The following CDK17 variants were observed in gnomAD, a reference collection of about 807,000 sequenced individuals.
CDK17 encodes cyclin dependent kinase 17.
CDK17 carries 24 observed loss-of-function variants against 77.6 expected under a neutral mutation model. The observed-to-expected ratio is 0.31, with a 90% CI of 0.22 to 0.44. The LOEUF is 0.44. Ranked by LOEUF, CDK17 falls within the 20% of genes least tolerant of loss-of-function variation. The pLI, the probability that CDK17 is intolerant of heterozygous loss-of-function variation, is 1.00. For synonymous variants in CDK17, 203 were observed against 210.4 expected (o/e 0.96, Z 0.30); for missense variants, 429 against 622.5 (o/e 0.69, Z 3.31).
chr12:96,300,155 GA>G, intron 6 of CDK17, 148 bp downstream of exon 6: 1 of 600,372 alleles, frequency 1.7e-6, no homozygotes, highest in South Asian at 2.1e-5. Context: ...CTAACTCCTA[GA>G]AACTCTGTTA....
rs1298424939 is a variant in CDK17, at chr12:96,324,118, G to T, written c.119-6C>A. 1.3e-6 allele frequency: 2 copies of T among 1,588,128 alleles called. No individual in the cohort carries two copies. Among genetic ancestry groups the T allele is most frequent in the Non-Finnish European group, 1.7e-6 (2 of 1,169,080 alleles). On this transcript the variant is annotated splice_region_variant and splice_polypyrimidine_tract_variant and intron_variant, in intron 2 of 16. Coordinates refer to ENST00000261211, the MANE Select transcript of CDK17 (RefSeq NM_002595.5). ...GCCATTCTTCACAATAGGCTCTGTGGTTCATAGAATTCGAAAATCATTCCA... is the reference window on the plus strand; with the variant it reads ...GCCATTCTTCACAATAGGCTCTGTGTTTCATAGAATTCGAAAATCATTCCA...
intron 8 of CDK17, 31 bp from the exon 9 acceptor site, chr12:96,297,363 A>G: frequency 1.3e-5 from 18 of 1,431,960 alleles, no homozygotes; most frequent in Non-Finnish European, 1.7e-5. Context: ...GCTATGTGAT[A>G]CACCATTTTC....
At chr12:96,295,872 A>G (rs1952398344) in intron 9 of CDK17, among the ~76,000 whole-genome samples, 2 of 152,310 alleles carry the variant, frequency 1.3e-5, no homozygotes, top group South Asian at 2.1e-4. Flanking sequence ...TACGGAACAC[A>G]TAAGACCTTT....
intron 1 of CDK17, among the ~76,000 whole-genome samples, chr12:96,391,204 C>T (rs1592775167): frequency 2.0e-5 from 3 of 151,982 alleles, no homozygotes; most frequent in Non-Finnish European, 2.9e-5. Context: ...CTGCAGTAAG[C>T]GCATTTAAGC....
chr12:96,393,634 T>C (rs1352477177), intron 1 of CDK17, among the ~76,000 whole-genome samples: 3 of 151,948 alleles, frequency 2.0e-5, no homozygotes. Context: ...TTTGGGAGGC[T>C]GAGGTGGGAG....
At chr12:96,378,739 T>C (rs1432429690) in intron 1 of CDK17, among the ~76,000 whole-genome samples, 1 of 152,188 alleles carries the variant, frequency 6.6e-6, no homozygotes, top group Non-Finnish European at 1.5e-5. Context: ...AAGGATTGAG[T>C]GACTAAACTA....
chr12:96,349,068 A>T (rs1417675128), intron 1 of CDK17, among the ~76,000 whole-genome samples: 1 of 152,246 alleles, frequency 6.6e-6, no homozygotes, highest in East Asian at 1.9e-4. Flanking sequence ...TAACAAATTG[A>T]ATTCGGCAGC....
At chr12:96,294,732 A>G (rs1473431224) in intron 10 of CDK17, among the ~76,000 whole-genome samples, 3 of 151,986 alleles carry the variant, frequency 2.0e-5, no homozygotes, top group Admixed American at 2.0e-4. Flanking sequence ...TTGGTAATAT[A>G]TTTACATTTA....
intron 1 of CDK17, among the ~76,000 whole-genome samples, chr12:96,372,338 G>A (rs1300052766): frequency 6.6e-6 from 1 of 152,064 alleles, no homozygotes; most frequent in East Asian, 1.9e-4. Context: ...ATATTGAAAA[G>A]GCCTCAAAAT....
At chr12:96,333,611 T>C (rs556443883) in intron 2 of CDK17, among the ~76,000 whole-genome samples, 1 of 150,780 alleles carries the variant, frequency 6.6e-6, no homozygotes, top group South Asian at 2.1e-4. Flanking sequence ...GAGGTGGAGG[T>C]TGCAGTGAGC....
At chr12:96,298,316 T>A (rs1952441954) in intron 7 of CDK17, among the ~76,000 whole-genome samples, 2 of 152,002 alleles carry the variant, frequency 1.3e-5, no homozygotes, top group South Asian at 4.2e-4. Context: ...TGGAAATCAA[T>A]TTTTTCTTTT....
chr12:96,281,350 G>C (rs1002605875), intron 15 of CDK17, among the ~76,000 whole-genome samples: 4 of 152,194 alleles, frequency 2.6e-5, no homozygotes, highest in Non-Finnish European at 4.4e-5. Flanking sequence ...AGTAAAACTT[G>C]GTATTAATAA....
chr12:96,374,325 T>A (rs973088599), intron 1 of CDK17, among the ~76,000 whole-genome samples: 1 of 152,224 alleles, frequency 6.6e-6, no homozygotes, highest in Non-Finnish European at 1.5e-5. Flanking sequence ...ATTTTGTACA[T>A]GCGTAGAAAA....
At chr12:96,347,616 G>A (rs1304606619) in intron 1 of CDK17, among the ~76,000 whole-genome samples, 3 of 41,056 alleles carry the variant, frequency 7.3e-5, no homozygotes, top group African/African-American at 2.3e-4. Context: ...GGGAGGGGAA[G>A]GGAGGGGAAG....
chr12:96,360,833 T>C (rs1431572929), intron 1 of CDK17, among the ~76,000 whole-genome samples: 1 of 152,214 alleles, frequency 6.6e-6, no homozygotes, highest in Non-Finnish European at 1.5e-5. Flanking sequence ...AAAGGCCTAG[T>C]ATTCTGACCA....
Position 96,314,377 on chromosome 12 carries a change from TA to T in CDK17, c.284-924del, listed in dbSNP as rs1340443968. Among the ~76,000 whole-genome samples the T allele has an allele frequency of 5.3e-5, 8 of 152,130 alleles. No homozygotes were observed. The East Asian group carries it at 1.2e-3, about 22-fold the overall frequency. ...TGTTTTGTTTTGTTTTATTTTATTT[TA>T]TTTTTTTTGTAGAGACAAGGTTTTG... is the stretch of plus-strand genomic sequence containing the variant. On this transcript the variant is annotated intron_variant, in intron 3 of 16. Transcript: ENST00000261211.
intron 1 of CDK17, among the ~76,000 whole-genome samples, chr12:96,361,440 G>A (rs1014181177): frequency 2.6e-5 from 4 of 152,168 alleles, no homozygotes; most frequent in African/African-American, 9.7e-5. Context: ...TAGTCTGTAG[G>A]ATCTCAGCTC....
intron 3 of CDK17, among the ~76,000 whole-genome samples, chr12:96,318,138 G>C (rs868696605): frequency 0.055 from 8,157 of 147,710 alleles, 301 homozygotes; most frequent in Admixed American, 0.08. Flanking sequence ...AAAAAAGCAG[G>C]GGTTGCAATC....
intron 1 of CDK17, among the ~76,000 whole-genome samples, chr12:96,355,078 C>T (rs1953372856): frequency 6.6e-6 from 1 of 152,112 alleles, no homozygotes; most frequent in African/African-American, 2.4e-5. Flanking sequence ...ACTCAAAGTT[C>T]TTAAATGGTT....
Sources: allele counts gnomAD v4.1 joint callset (sites outside exome capture counted in the v4.1 genomes callset), GRCh38; gene constraint gnomAD v4.1.1; transcripts MANE v1.5; gene names NCBI Gene and HGNC (gene_info 2026-07-23, HGNC 2026-07-21).